The following ASTN2 variants were observed in gnomAD, a reference collection of about 807,000 sequenced individuals.
ASTN2 encodes the protein astrotactin-2.
Under a neutral mutation model 139.8 loss-of-function variants are expected in ASTN2, and 54 were observed. The observed-to-expected ratio is 0.39, with a 90% confidence interval of 0.31 to 0.48. The LOEUF (loss-of-function observed/expected upper bound fraction) is 0.48. Ranked by LOEUF, ASTN2 falls within the 20% of genes least tolerant of loss-of-function variation. ASTN2 has a pLI of 0.95. For missense variants in ASTN2, 1,565 were observed against 1,725.1 expected, an observed-to-expected ratio of 0.91 and a Z score of 1.64; for synonymous variants, 756 against 719.5, an observed-to-expected ratio of 1.05 and a Z score of -0.81.
At chr9:116,655,655 A>G (rs530488780) in intron 16 of ASTN2, among the ~76,000 whole-genome samples, 4 of 152,100 alleles carry the variant, frequency 2.6e-5, no homozygotes, top group Non-Finnish European at 4.4e-5. Context: ...TTCCTCAGAA[A>G]AGCCTTCCCT....
intron 1 of ASTN2, among the ~76,000 whole-genome samples, chr9:117,301,026 A>T (rs2130799429): frequency 6.6e-6 from 1 of 152,286 alleles, no homozygotes; most frequent in Non-Finnish European, 1.5e-5. Context: ...TACCCAGTTA[A>T]ATAAGGGAGG....
intron 3 of ASTN2, among the ~76,000 whole-genome samples, chr9:117,152,385 AT>A (rs1224814604): frequency 6.6e-6 from 1 of 152,072 alleles, no homozygotes; most frequent in Non-Finnish European, 1.5e-5. Flanking sequence ...ATCCTGTAAC[AT>A]TCAGGGTTTT....
chr9:117,052,395 C>G (rs1838936952), intron 5 of ASTN2, among the ~76,000 whole-genome samples: 1 of 148,096 alleles, frequency 6.8e-6, no homozygotes, highest in East Asian at 2.0e-4. Flanking sequence ...AGCTATCACA[C>G]CACTGCACTC....
intron 1 of ASTN2, among the ~76,000 whole-genome samples, chr9:117,327,889 T>A (rs561506850): frequency 6.6e-6 from 1 of 152,320 alleles, no homozygotes; most frequent in East Asian, 1.9e-4. Flanking sequence ...ACGGCAGGGT[T>A]TTGGCCTCAA....
intron 7 of ASTN2, among the ~76,000 whole-genome samples, chr9:117,005,079 G>GTTT (rs1837314743): frequency 1.8e-5 from 1 of 57,032 alleles, no homozygotes; most frequent in Non-Finnish European, 3.2e-5. Context: ...ACCTGTAGTC[G>GTTT]ATTTTTTTTT....
At chr9:116,983,189 G>A (rs1023559711) in intron 7 of ASTN2, among the ~76,000 whole-genome samples, 4 of 152,158 alleles carry the variant, frequency 2.6e-5, no homozygotes, top group Non-Finnish European at 5.9e-5. Context: ...CAATAAACAT[G>A]GATCCCTTCC....
intron 13 of ASTN2, among the ~76,000 whole-genome samples, chr9:116,770,365 A>G (rs1047584880): frequency 6.6e-6 from 1 of 152,142 alleles, no homozygotes; most frequent in Non-Finnish European, 1.5e-5. Context: ...TCTACAGGAC[A>G]ATGATTATAG....
rs1828234070 is a variant in ASTN2 at position 117,318,979 on chromosome 9, C to T, written c.443-27466G>A. On this transcript the variant is annotated intron_variant, in intron 1 of 22. Transcript: ENST00000313400. ...TCACTGCGGGAGGCAAATTAAGGCCCATTTGTTTTCTACAGGGCACCTCTT... is the reference window on the plus strand; with the variant it reads ...TCACTGCGGGAGGCAAATTAAGGCCTATTTGTTTTCTACAGGGCACCTCTT... Among the ~76,000 whole-genome samples the T allele has an allele frequency of 2.0e-5, 3 of 152,158 alleles. No individual in the cohort carries two copies. The South Asian group carries it at 6.2e-4, about 32-fold the overall frequency.
intron 12 of ASTN2, among the ~76,000 whole-genome samples, chr9:116,819,317 C>T (rs1442916950): frequency 6.6e-6 from 1 of 152,194 alleles, no homozygotes; most frequent in Non-Finnish European, 1.5e-5. Context: ...TTACTCAACA[C>T]TGCCCTGCAG....
At position 117,060,389 on chromosome 9, in the gene ASTN2, A is replaced by G. The variant is rs1246674700; in HGVS notation, c.1277-20424T>C. On this transcript the variant is annotated intron_variant, in intron 5 of 22. Transcript: ENST00000313400. ...AAGAAAGAAAGAAAGAAAGAAAGAAAGAAAGAAAGAAAGAAAGAAAGAAGG... is the reference window on the plus strand; with the variant it reads ...AAGAAAGAAAGAAAGAAAGAAAGAAGGAAAGAAAGAAAGAAAGAAAGAAGG... 1.4e-3 allele frequency among the ~76,000 whole-genome samples: 109 copies of G among 78,428 alleles called. 4 individuals are homozygous for G. Among genetic ancestry groups the G allele is most frequent in the African/African-American group, 4.2e-3 (66 of 15,798 alleles). The allele number at this position is 78,428 out of a possible 152,430, so 51.5% of individuals were successfully genotyped here. A position where few individuals can be genotyped will look rare whatever the true frequency, so the allele number is the denominator to read the frequency against.
chr9:116,683,420 C>T (rs998056425), intron 16 of ASTN2, among the ~76,000 whole-genome samples: 2 of 152,122 alleles, frequency 1.3e-5, no homozygotes, highest in Non-Finnish European at 2.9e-5. Context: ...AACCAAGATT[C>T]CTAGTCAATT....
chr9:116,578,606 C>T (rs1164422112), intron 19 of ASTN2, among the ~76,000 whole-genome samples: 5 of 144,616 alleles, frequency 3.5e-5, no homozygotes, highest in Admixed American at 2.1e-4. Flanking sequence ...GAACCCAGGC[C>T]GTCTGGCTCC....
intron 19 of ASTN2, among the ~76,000 whole-genome samples, chr9:116,557,206 A>C (rs7026794): frequency 7.2e-6 from 1 of 139,616 alleles, no homozygotes; most frequent in Non-Finnish European, 1.5e-5. Flanking sequence ...CCTGGGCAAC[A>C]GAGCGAGACT....
chr9:116,453,664 T>A (rs189600311), intron 20 of ASTN2, among the ~76,000 whole-genome samples: 1 of 124,418 alleles, frequency 8.0e-6, no homozygotes, highest in African/African-American at 3.0e-5. Flanking sequence ...CTTGGTACAA[T>A]AAATGTTATC....
intron 13 of ASTN2, among the ~76,000 whole-genome samples, chr9:116,751,473 A>C (rs142659432): frequency 6.6e-6 from 1 of 152,284 alleles, no homozygotes; most frequent in African/African-American, 2.4e-5. Context: ...TTGTTGTGGA[A>C]TTAACAAGAT....
At chr9:117,331,653 T>C (rs1013806371) in intron 1 of ASTN2, among the ~76,000 whole-genome samples, 1 of 152,178 alleles carries the variant, frequency 6.6e-6, no homozygotes, top group Non-Finnish European at 1.5e-5. Context: ...GTGGGTGCTC[T>C]TGGAATATTA....
chr9:117,327,839 C>G (rs924812308), intron 1 of ASTN2, among the ~76,000 whole-genome samples: 3 of 152,200 alleles, frequency 2.0e-5, no homozygotes, highest in Admixed American at 6.5e-5. Flanking sequence ...AATCATTCAA[C>G]AGATTTATTT....
intron 10 of ASTN2, among the ~76,000 whole-genome samples, chr9:116,948,784 T>G: frequency 1.0e-5 from 1 of 95,828 alleles, no homozygotes; most frequent in Non-Finnish European, 2.0e-5. Flanking sequence ...AATAATTTGG[T>G]GTTTTTTTTT....
At chr9:116,823,097 T>C (rs1409636) in intron 11 of ASTN2, among the ~76,000 whole-genome samples, 120,779 of 152,150 alleles carry the variant, frequency 0.79, 48,136 homozygotes, top group East Asian at 0.91. Context: ...CCACCAGAAA[T>C]CAAATGCCAG....
Sources: allele counts gnomAD v4.1 joint callset (sites outside exome capture counted in the v4.1 genomes callset), GRCh38; gene constraint gnomAD v4.1.1; transcripts MANE v1.5; gene names NCBI Gene and HGNC (gene_info 2026-07-23, HGNC 2026-07-21).